Variants in TBCD observed in about 807,000 individuals in gnomAD.
TBCD encodes tubulin folding cofactor D.
TBCD carries 105 observed loss-of-function variants against 169.3 expected under a neutral mutation model. That is an observed-to-expected ratio of 0.62 (90% CI 0.53 to 0.73). The LOEUF is 0.73. Ranked by LOEUF, TBCD falls within the 30% of genes least tolerant of loss-of-function variation. The pLI is 0.00. For missense variants in TBCD, 1,444 were observed against 1,600.1 expected (o/e 0.90, Z 1.66); for synonymous variants, 700 against 643.9 (o/e 1.09, Z -1.32).
At position 82,831,132 on chromosome 17, in the gene TBCD, T is replaced by C. The variant is rs773044377; in HGVS notation, c.1318+16198T>C. 7 of 1,614,164 alleles carry C rather than the reference T, an allele frequency of 4.3e-6. No individual in the cohort carries two copies. The Admixed American group carries it at 5.0e-5, about 12-fold the overall frequency. ...GCTCTGGCGGGTAGAGTCTTCCCAGTGCGCTGGAGGCTGCCTTGTTGGAGA... is the reference window on the plus strand; with the variant it reads ...GCTCTGGCGGGTAGAGTCTTCCCAGCGCGCTGGAGGCTGCCTTGTTGGAGA... On this transcript the variant is annotated intron_variant, in intron 13 of 38. Transcript: ENST00000355528. The surrounding 1 kb of genome is among the most constrained non-coding windows in gnomAD (Gnocchi z 4.6).
intron 7 of TBCD, among the ~76,000 whole-genome samples, chr17:82,796,959 C>T (rs771296842): frequency 2.0e-5 from 3 of 152,184 alleles, no homozygotes; most frequent in South Asian, 2.1e-4. Context: ...GCGTGGTGTG[C>T]GGTGCAGATA....
chr17:82,940,183 AC>A (rs2062993002), intron 37 of TBCD, among the ~76,000 whole-genome samples: 2 of 151,114 alleles, frequency 1.3e-5, no homozygotes, highest in Non-Finnish European at 2.9e-5. Flanking sequence ...GGGCATGGGC[AC>A]CCATGCTGGC....
intron 7 of TBCD, among the ~76,000 whole-genome samples, chr17:82,794,678 T>C (rs665574): frequency 6.6e-6 from 1 of 152,068 alleles, no homozygotes; most frequent in African/African-American, 2.4e-5. Flanking sequence ...ACACTTTCTC[T>C]GGTGAAGATG....
intron 13 of TBCD, 80 bp from the exon 14 acceptor site, chr17:82,870,144 C>T: frequency 6.3e-7 from 1 of 1,590,918 alleles, no homozygotes; most frequent in South Asian, 1.1e-5. Context: ...GCGCTCCGGC[C>T]CTGAGCCCCA....
At chr17:82,897,700 G>A (rs763767579) in intron 17 of TBCD, among the ~76,000 whole-genome samples, 1 of 152,132 alleles carries the variant, frequency 6.6e-6, no homozygotes, top group Non-Finnish European at 1.5e-5. Context: ...TCCAGGAGGC[G>A]CCATCCTGAC....
chr17:82,932,589 T>C, intron 33 of TBCD, 69 bp from the exon 34 acceptor site: 1 of 1,308,928 alleles, frequency 7.6e-7, no homozygotes, highest in Non-Finnish European at 1.1e-6. Flanking sequence ...CTGCTGACTC[T>C]CAGCCATTCA....
intron 15 of TBCD, among the ~76,000 whole-genome samples, chr17:82,888,729 G>A (rs1405352549): frequency 6.6e-6 from 1 of 152,186 alleles, no homozygotes; most frequent in African/African-American, 2.4e-5. Context: ...GGCTGTGTTC[G>A]GCTCCTTACT....
chr17:82,793,242 G>A (rs1426280452), intron 7 of TBCD, among the ~76,000 whole-genome samples: 2 of 152,142 alleles, frequency 1.3e-5, no homozygotes, highest in African/African-American at 4.8e-5. Context: ...TGAATGTGTG[G>A]TGGTCCTGAG....
chr17:82,769,108 T>C (rs1286659347), intron 5 of TBCD, among the ~76,000 whole-genome samples: 2 of 152,232 alleles, frequency 1.3e-5, no homozygotes, highest in African/African-American at 4.8e-5. Context: ...TTTATCCTCT[T>C]GTAGTTTCTG....
chr17:82,841,696 C>T lies in TBCD; in HGVS notation c.1318+26762C>T, dbSNP rs142805999. The stretch of plus-strand genomic sequence containing the variant: ...AAACTTAGTGGCTTAAAACAAGCAC[C>T]GTTTTATTACGTCTTAGGATATATT... On this transcript the variant is annotated intron_variant, in intron 13 of 38. Transcript: ENST00000355528. Among the ~76,000 whole-genome samples the T allele has an allele frequency of 7.2e-5, 11 of 152,290 alleles. No homozygotes were observed. In the East Asian group the frequency reaches 9.6e-4, roughly 13 times the overall value.
chr17:82,894,214 GA>G (rs1436076640), intron 17 of TBCD, among the ~76,000 whole-genome samples: 8 of 152,260 alleles, frequency 5.3e-5, no homozygotes, highest in African/African-American at 1.9e-4. Flanking sequence ...GCAGTTTACA[GA>G]ATTATATCAA....
Position 82,864,236 on chromosome 17 carries a change from C to T in TBCD, c.1319-5988C>T, listed in dbSNP as rs564886812. ...CTTGTGCTTCCAGGGCTCTTTGAAG[C>T]GTCTCACTTTTTAATTTCATGAAGA... On this transcript the variant is annotated intron_variant, in intron 13 of 38. Transcript: ENST00000355528. The surrounding 1 kb of genome is among the most constrained non-coding windows in gnomAD (Gnocchi z 6.3). The T allele has an allele frequency of 3.9e-4, 60 of 152,326 alleles. No homozygotes were observed. Among genetic ancestry groups the T allele is most frequent in the African/African-American group, 1.3e-3 (53 of 41,568 alleles). The allele number at this position is 152,326 out of a possible 1,614,324, so 9.4% of individuals were successfully genotyped here.
chr17:82,799,441 CAAAAAAAAAAAAA>C, intron 8 of TBCD, among the ~76,000 whole-genome samples: 1 of 72,626 alleles, frequency 1.4e-5, no homozygotes, highest in African/African-American at 5.2e-5. Flanking sequence ...GACTCTGTCT[CAAAAAAAAAAAAA>C]AAAAAAAAAG....
intron 23 of TBCD, among the ~76,000 whole-genome samples, chr17:82,917,636 G>C (rs1443096608): frequency 6.6e-6 from 1 of 152,226 alleles, no homozygotes; most frequent in African/African-American, 2.4e-5. Context: ...GGTGCTTGCT[G>C]TCGGGGTCAC....
At chr17:82,830,650 A>G (rs1444981995) in intron 13 of TBCD, 1 of 1,613,844 alleles carries the variant, frequency 6.2e-7, no homozygotes, top group Non-Finnish European at 8.5e-7. Flanking sequence ...GGGGTCCTTC[A>G]CCGAGAGATT....
rs547266702 is a variant in TBCD at position 82,940,421 on chromosome 17, C to G, written c.3479+945C>G. Among the ~76,000 whole-genome samples the G allele has an allele frequency of 2.6e-5, 4 of 152,220 alleles. No homozygotes were observed. The East Asian group carries it at 7.7e-4, about 29-fold the overall frequency. On this transcript the variant is annotated intron_variant, in intron 37 of 38. Transcript: ENST00000355528. ...GAGGGCCTCCGTGCTGATCCCGGTG[C>G]GTTGCTACAGGTCTGTGGGGTCCAC...
intron 11 of TBCD, among the ~76,000 whole-genome samples, chr17:82,809,346 G>A (rs1022551281): frequency 6.6e-6 from 1 of 152,140 alleles, no homozygotes; most frequent in Non-Finnish European, 1.5e-5. Context: ...GTTTGGGGTG[G>A]CACAGAGGAA....
At chr17:82,756,669 G>C (rs1305020265) in intron 2 of TBCD, among the ~76,000 whole-genome samples, 1 of 151,946 alleles carries the variant, frequency 6.6e-6, no homozygotes, top group Non-Finnish European at 1.5e-5. Flanking sequence ...TAGTAGAGAC[G>C]GGGTTTCACT....
At chr17:82,815,555 C>A (rs1382422409) in intron 13 of TBCD, among the ~76,000 whole-genome samples, 1 of 152,242 alleles carries the variant, frequency 6.6e-6, no homozygotes, top group Non-Finnish European at 1.5e-5. Flanking sequence ...CTGCCCCAGA[C>A]CAGCTCTTGT....
Sources: allele counts gnomAD v4.1 joint callset (sites outside exome capture counted in the v4.1 genomes callset), GRCh38; gene constraint gnomAD v4.1.1; non-coding constraint Gnocchi (gnomAD v3.1); transcripts MANE v1.5; gene names NCBI Gene and HGNC (gene_info 2026-07-23, HGNC 2026-07-21).